Variants in NIPBL observed in about 807,000 individuals in gnomAD.
NIPBL encodes nipped-B-like protein.
NIPBL carries 19 observed loss-of-function variants against 321.8 expected under a neutral mutation model. The ratio of observed to expected loss-of-function variants is 0.06; its 90% CI spans 0.04 to 0.09. The LOEUF is 0.09. Ranked by LOEUF, NIPBL falls within the 10% of genes least tolerant of loss-of-function variation. The pLI, the probability that NIPBL is intolerant of heterozygous loss-of-function variation, is 1.00. For missense variants in NIPBL, 2,210 were observed against 3,327.0 expected (o/e 0.66, Z 8.26); for synonymous variants, 1,106 against 1,114.1 (o/e 0.99, Z 0.14).
chr5:36,878,697 C>T (rs928109993), intron 1 of NIPBL, among the ~76,000 whole-genome samples: 3 of 152,200 alleles, frequency 2.0e-5, no homozygotes, highest in African/African-American at 7.2e-5. Context: ...AATTGTTTCA[C>T]ATTTCCTGCA....
chr5:36,894,799 C>G (rs139040758), intron 1 of NIPBL, among the ~76,000 whole-genome samples: 119 of 152,308 alleles, frequency 7.8e-4, no homozygotes, highest in African/African-American at 2.7e-3. Flanking sequence ...TAGCTTGTCA[C>G]ATTTTCTTAC....
At chr5:36,987,554 CAT>C (rs1344970559) in intron 10 of NIPBL, among the ~76,000 whole-genome samples, 2 of 152,144 alleles carry the variant, frequency 1.3e-5, no homozygotes, top group African/African-American at 4.8e-5. Flanking sequence ...TCTTTGAAAA[CAT>C]ATTATAAAGA....
chr5:36,877,169 A>G lies in NIPBL; in HGVS notation c.-89A>G, dbSNP rs1745129522. 4.0e-6 allele frequency: 1 copy of G among 248,582 alleles called. No homozygotes were observed. Among genetic ancestry groups the G allele is most frequent in the South Asian group, 1.7e-4 (1 of 5,888 alleles). The allele number at this position is 248,582 out of a possible 1,614,324, so 15.4% of individuals were successfully genotyped here. On this transcript the variant is annotated 5_prime_UTR_variant, in exon 1 of 47. Transcript: ENST00000282516. Reference sequence around the variant, plus strand: ...GGCCTCCCCTTGGATTCAGACGCCGATTCGCCCAGGTAAATTCCTGCTCTT... The same window carrying G: ...GGCCTCCCCTTGGATTCAGACGCCGGTTCGCCCAGGTAAATTCCTGCTCTT...
chr5:37,051,900 C>T lies in NIPBL; in HGVS notation c.7062+14C>T. 6.5e-7 allele frequency: 1 copy of T among 1,544,974 alleles called. No homozygotes were observed. The highest frequency in any genetic ancestry group is 9.0e-7 in the Non-Finnish European group (1 of 1,117,144). On this transcript the variant is annotated intron_variant, in intron 41 of 46. Coordinates refer to ENST00000282516, the MANE Select transcript of NIPBL (RefSeq NM_133433.4). ...GGATTCATTCATGTATGTATTTTAA[C>T]ATTTTATAACCTAAATTTAAACATT...
intron 1 of NIPBL, chr5:36,885,338 C>T (rs536829683): frequency 1.7e-5 from 8 of 481,084 alleles, no homozygotes; most frequent in Non-Finnish European, 2.9e-5. Context: ...CTCTGGTTCG[C>T]GGATCTCCGT....
intron 9 of NIPBL, chr5:36,982,233 T>C: frequency 1.0e-6 from 1 of 979,878 alleles, no homozygotes; most frequent in Non-Finnish European, 1.2e-6. Context: ...GTAATCACTG[T>C]CCTAAATACC....
intron 32 of NIPBL, among the ~76,000 whole-genome samples, chr5:37,031,509 A>G (rs1751014692): frequency 2.0e-5 from 3 of 152,168 alleles, no homozygotes; most frequent in Admixed American, 1.3e-4. Flanking sequence ...TAGCCATGTG[A>G]TGGGTACACA....
Position 37,060,813 on chromosome 5 carries a change from T to C in NIPBL, c.7686-31T>C. ...TCCAAATACGTTGTTTCCATAGTTT[T>C]AAAGTTTTTGGTTTTGTTTTCCCAA... On this transcript the variant is annotated intron_variant, in intron 44 of 46. Coordinates refer to ENST00000282516, the MANE Select transcript of NIPBL (RefSeq NM_133433.4). 1.9e-6 allele frequency: 3 copies of C among 1,596,530 alleles called. No individual in the cohort carries two copies. In the East Asian group the frequency reaches 6.7e-5, roughly 36 times the overall value.
At chr5:36,971,317 A>G (rs1254299021) in intron 7 of NIPBL, among the ~76,000 whole-genome samples, 1 of 152,008 alleles carries the variant, frequency 6.6e-6, no homozygotes, top group African/African-American at 2.4e-5. Flanking sequence ...AGAGCCTAAA[A>G]TATTTATTCT....
intron 1 of NIPBL, among the ~76,000 whole-genome samples, chr5:36,895,777 A>C (rs1162816090): frequency 6.6e-6 from 1 of 152,184 alleles, no homozygotes; most frequent in Non-Finnish European, 1.5e-5. Context: ...ACATTCATCC[A>C]AATCTTTTGC....
At chr5:36,939,905 C>T (rs987874417) in intron 1 of NIPBL, among the ~76,000 whole-genome samples, 8 of 152,160 alleles carry the variant, frequency 5.3e-5, no homozygotes, top group African/African-American at 1.9e-4. Flanking sequence ...TCTCTCAACA[C>T]TGTTGTATTG....
intron 20 of NIPBL, among the ~76,000 whole-genome samples, chr5:37,009,773 T>C (rs1019161125): frequency 3.9e-5 from 6 of 152,214 alleles, no homozygotes; most frequent in Admixed American, 3.3e-4. Flanking sequence ...TTGAAGACTT[T>C]TATCATTTTC....
At chr5:36,900,985 GC>G (rs1291785761) in intron 1 of NIPBL, among the ~76,000 whole-genome samples, 1 of 152,016 alleles carries the variant, frequency 6.6e-6, no homozygotes, top group East Asian at 1.9e-4. Context: ...GGGTACATGT[GC>G]AGGTTTGTTA....
intron 31 of NIPBL, 53 bp downstream of exon 31, chr5:37,026,380 G>A (rs1226182053): frequency 1.0e-6 from 1 of 962,868 alleles, no homozygotes; most frequent in East Asian, 2.4e-5. Context: ...ACCTAATTGA[G>A]GCCTACATGT....
At chr5:36,975,698 A>G in intron 8 of NIPBL, 78 bp from the exon 9 acceptor site, 1 of 1,324,112 alleles carries the variant, frequency 7.6e-7, no homozygotes, top group Non-Finnish European at 1.1e-6. Context: ...CTATATTGTC[A>G]CTTATTAATA....
chr5:36,917,570 C>T (rs1033464711), intron 1 of NIPBL, among the ~76,000 whole-genome samples: 3 of 152,136 alleles, frequency 2.0e-5, no homozygotes, highest in African/African-American at 7.2e-5. Flanking sequence ...AATGACATGT[C>T]ATTTAGTAAT....
chr5:37,064,076 TGTA>T, intron 46 of NIPBL, 98 bp downstream of exon 46: 1 of 1,515,310 alleles, frequency 6.6e-7, no homozygotes, highest in South Asian at 1.3e-5. Context: ...CACCAAGTAA[TGTA>T]ATACTTAAAA....
chr5:37,044,853 T>A, intron 36 of NIPBL, 124 bp downstream of exon 36: 1 of 721,272 alleles, frequency 1.4e-6, no homozygotes, highest in South Asian at 1.6e-5. Flanking sequence ...TCCACCGTGG[T>A]CCTCTCAGAA....
intron 9 of NIPBL, 133 bp from the exon 10 acceptor site, chr5:36,984,543 G>A: frequency 1.4e-6 from 1 of 709,668 alleles, no homozygotes; most frequent in Non-Finnish European, 2.3e-6. Flanking sequence ...TATTTTATGT[G>A]TACATATTTG....
Sources: gnomAD v4.1 joint callset for allele counts (sites outside exome capture counted in the v4.1 genomes callset) on GRCh38, gnomAD v4.1.1 for gene constraint, MANE v1.5 for transcripts, NCBI Gene and HGNC (gene_info 2026-07-23, HGNC 2026-07-21) for gene names.